UBR3: variants seen among roughly 807,000 people sequenced by gnomAD.
UBR3 encodes E3 ubiquitin-protein ligase UBR3.
In UBR3, 85 loss-of-function variants were observed where a neutral mutation model predicts 243.2. That is an observed-to-expected ratio of 0.35 (90% CI 0.29 to 0.42). The LOEUF is 0.42. Among genes scored for constraint, UBR3 ranks in the 10% least tolerant of loss-of-function variants. The probability of loss-of-function intolerance (pLI) is 1.00; values close to 1 mark genes in which losing one functional copy is unlikely to be tolerated. For synonymous variants in UBR3, 748 were observed against 799.8 expected, an observed-to-expected ratio of 0.94 and a Z score of 1.09; for missense variants, 1,686 against 2,300.8, an observed-to-expected ratio of 0.73 and a Z score of 5.47.
At chr2:169,959,665 A>G (rs935065294) in intron 24 of UBR3, among the ~76,000 whole-genome samples, 17 of 152,280 alleles carry the variant, frequency 1.1e-4, no homozygotes, top group African/African-American at 4.1e-4. Context: ...ATGATCAGCC[A>G]TCTGCAAGCT....
intron 2 of UBR3, among the ~76,000 whole-genome samples, chr2:169,875,149 T>C (rs1032920381): frequency 9.9e-5 from 15 of 152,220 alleles, no homozygotes; most frequent in Non-Finnish European, 4.4e-5. Context: ...ATAGGTTATT[T>C]GTTATACAGG....
At chr2:170,073,247 A>G (rs941596361) in intron 35 of UBR3, among the ~76,000 whole-genome samples, 181 bp from the exon 36 acceptor site, 1 of 152,198 alleles carries the variant, frequency 6.6e-6, no homozygotes, top group Non-Finnish European at 1.5e-5. Flanking sequence ...GGGGATATTT[A>G]GATATAACAG....
intron 5 of UBR3, among the ~76,000 whole-genome samples, chr2:169,890,565 G>GTGTATATATATATATACGTATATATA: frequency 1.4e-5 from 1 of 71,198 alleles, no homozygotes. Context: ...ATATATATAT[G>GTGTATATATATATATACGTATATATA]TGTATATATA....
chr2:169,919,065 G>A (rs183131635), intron 11 of UBR3, among the ~76,000 whole-genome samples: 1 of 152,284 alleles, frequency 6.6e-6, no homozygotes, highest in Admixed American at 6.5e-5. Context: ...GTAATCCAGT[G>A]GGAGAAGGGA....
chr2:169,915,513 A>T (rs1289946236), intron 11 of UBR3, among the ~76,000 whole-genome samples: 3 of 152,084 alleles, frequency 2.0e-5, no homozygotes, highest in African/African-American at 7.2e-5. Flanking sequence ...TGGGATTACC[A>T]GTGTGAGCCA....
At chr2:169,842,506 T>G (rs113405688) in intron 1 of UBR3, among the ~76,000 whole-genome samples, 1 of 152,262 alleles carries the variant, frequency 6.6e-6, no homozygotes, top group East Asian at 1.9e-4. Context: ...TTGCAATAAA[T>G]CTTGCTACTG....
rs2082179340 is a variant in UBR3, at chr2:169,838,387, T to TGTGTGTG, written c.545+10335_545+10336insGTGTGTG. Among the ~76,000 whole-genome samples the TGTGTGTG allele has an allele frequency of 1.3e-4, 15 of 114,484 alleles. 1 individual carries two copies. The highest frequency in any genetic ancestry group is 4.2e-4 in the African/African-American group (13 of 30,722). 75.1% of individuals were successfully genotyped at this position (114,484 alleles called of 152,430 possible). A position where few individuals can be genotyped will look rare whatever the true frequency, so the allele number is the denominator to read the frequency against. ...GCTGGGAAGTCCAAGATTAAGGCAT[T>TGTGTGTG]TGTGTGTGTGTGTGTGTGTGTGTGT... On this transcript the variant is annotated intron_variant, in intron 1 of 38. Coordinates refer to ENST00000272793, the MANE Select transcript of UBR3 (RefSeq NM_172070.4).
intron 9 of UBR3, 37 bp from the exon 10 acceptor site, chr2:169,905,994 A>C (rs1474065608): frequency 1.3e-6 from 2 of 1,540,878 alleles, no homozygotes; most frequent in Non-Finnish European, 1.7e-6. Flanking sequence ...GTGTGCTTCC[A>C]CTTGACAAGG....
chr2:169,967,259 C>T (rs1462210131), intron 24 of UBR3, among the ~76,000 whole-genome samples: 2 of 87,004 alleles, frequency 2.3e-5, no homozygotes, highest in African/African-American at 9.0e-5. Context: ...AGGGTATGCG[C>T]CCCCCGCCCC....
chr2:170,077,238 C>T, intron 36 of UBR3: 1 of 727,720 alleles, frequency 1.4e-6, no homozygotes, highest in Non-Finnish European at 2.6e-6. Context: ...ACCAGTAAGA[C>T]TGCATTTATA....
At chr2:170,034,886 T>C (rs2090783080) in intron 31 of UBR3, among the ~76,000 whole-genome samples, 1 of 151,180 alleles carries the variant, frequency 6.6e-6, no homozygotes, top group South Asian at 2.1e-4. Flanking sequence ...TGTAGTGGTA[T>C]CTCATTGTTT....
chr2:169,873,707 A>G (rs570197599), intron 2 of UBR3, among the ~76,000 whole-genome samples: 37 of 152,198 alleles, frequency 2.4e-4, no homozygotes, highest in Non-Finnish European at 4.6e-4. Flanking sequence ...AAAGAACAGA[A>G]AAAAGAATAT....
chr2:169,836,757 T>C (rs2082125560), intron 1 of UBR3, among the ~76,000 whole-genome samples: 1 of 152,136 alleles, frequency 6.6e-6, no homozygotes, highest in Non-Finnish European at 1.5e-5. Flanking sequence ...AAGTTGAACA[T>C]CTTTTCATAT....
In UBR3 at chr2:170,081,805, A is replaced by T. The variant is rs2091912526; in HGVS notation, c.5629A>T (p.Ile1877Phe). The change falls in exon 39 of 39, where the codon ATC becomes TTC. Residue 1877 changes from isoleucine to phenylalanine, a missense_variant. Coordinates refer to ENST00000272793, the MANE Select transcript of UBR3 (RefSeq NM_172070.4). ...QQWISHTFDHINKRWGPHYNG... is the reference protein window; with the variant it reads ...QQWISHTFDHFNKRWGPHYNG... Reference sequence around the variant, plus strand: ...GTGGATTTCTCATACTTTTGATCACATCAATAAAAGATGGGGTCCACATTA... The same window carrying T: ...GTGGATTTCTCATACTTTTGATCACTTCAATAAAAGATGGGGTCCACATTA... The T allele has an allele frequency of 6.2e-7, 1 of 1,607,132 alleles. No individual in the cohort carries two copies. The highest frequency in any genetic ancestry group is 1.3e-5 in the African/African-American group (1 of 74,546).
chr2:169,883,228 A>G (rs554728096), intron 5 of UBR3, among the ~76,000 whole-genome samples: 20 of 152,306 alleles, frequency 1.3e-4, no homozygotes, highest in African/African-American at 3.8e-4. Flanking sequence ...GAGATCTAAG[A>G]TGGCTCACTC....
chr2:170,056,356 G>A (rs1466110225), intron 33 of UBR3, among the ~76,000 whole-genome samples: 1 of 151,976 alleles, frequency 6.6e-6, no homozygotes, highest in African/African-American at 2.4e-5. Context: ...CTTTTTTCTT[G>A]TTAGAATATG....
At chr2:169,859,160 C>T (rs2082996522) in intron 1 of UBR3, among the ~76,000 whole-genome samples, 1 of 135,784 alleles carries the variant, frequency 7.4e-6, no homozygotes, top group Non-Finnish European at 1.5e-5. Context: ...ATCTCGGCTT[C>T]ACTGCAAGCT....
chr2:169,838,791 A>G (rs534415544), intron 1 of UBR3, among the ~76,000 whole-genome samples: 8 of 152,268 alleles, frequency 5.3e-5, no homozygotes, highest in African/African-American at 1.4e-4. Context: ...TCTAAACATC[A>G]TTTCAATCAG....
chr2:169,876,042 A>C lies in UBR3; in HGVS notation c.844+93A>C. ...TTAGAACTTAAAGGTAAATTGTAGA[A>C]TTTTCATAGAATGCTAAAGCTGGAA... On this transcript the variant is annotated intron_variant, in intron 3 of 38. Coordinates refer to ENST00000272793, the MANE Select transcript of UBR3 (RefSeq NM_172070.4). 5.6e-6 allele frequency: 6 copies of C among 1,070,732 alleles called. No homozygotes were observed. In the East Asian group the frequency reaches 1.9e-4, roughly 35 times the overall value. 66.3% of individuals were successfully genotyped at this position (1,070,732 alleles called of 1,614,324 possible).
Sources: gnomAD v4.1 joint callset for allele counts (sites outside exome capture counted in the v4.1 genomes callset) on GRCh38, gnomAD v4.1.1 for gene constraint, MANE v1.5 for transcripts, NCBI Gene and HGNC (gene_info 2026-07-23, HGNC 2026-07-21) for gene names.